TRERF1: variants seen among roughly 807,000 people sequenced by gnomAD.
TRERF1 encodes transcriptional regulating factor 1.
A neutral mutation model predicts 122.9 loss-of-function variants in TRERF1; 27 were observed. That is an observed-to-expected ratio of 0.22 (90% CI 0.16 to 0.30). TRERF1 has a LOEUF of 0.30. TRERF1 is among the 10% of genes least tolerant of loss of function. The probability of loss-of-function intolerance (pLI) is 1.00; values close to 1 mark genes in which losing one functional copy is unlikely to be tolerated. For synonymous variants in TRERF1, 636 were observed against 641.7 expected (o/e 0.99, Z 0.13); for missense variants, 1,248 against 1,560.3 (o/e 0.80, Z 3.37).
chr6:42,271,426 G>T (rs901436312), intron 4 of TRERF1, among the ~76,000 whole-genome samples: 6 of 152,116 alleles, frequency 3.9e-5, no homozygotes, highest in Admixed American at 2.6e-4. Context: ...CATGGATAAT[G>T]AAATTGAAAA....
chr6:42,336,308 G>A (rs1165158661), intron 3 of TRERF1, among the ~76,000 whole-genome samples: 1 of 152,120 alleles, frequency 6.6e-6, no homozygotes, highest in Non-Finnish European at 1.5e-5. Flanking sequence ...TGTCCTTTCT[G>A]CACTGCCCCA....
At chr6:42,258,296 G>T in intron 9 of TRERF1, 95 bp from the exon 10 acceptor site, 2 of 1,100,096 alleles carry the variant, frequency 1.8e-6, no homozygotes, top group African/African-American at 1.5e-5. Flanking sequence ...CCATAATAGA[G>T]CTTCTCTCCT....
intron 3 of TRERF1, among the ~76,000 whole-genome samples, chr6:42,304,939 A>C (rs756160965): frequency 6.6e-6 from 1 of 152,222 alleles, no homozygotes; most frequent in Admixed American, 6.5e-5. Flanking sequence ...CATAATGATT[A>C]GGGTCCTCTT....
intron 2 of TRERF1, among the ~76,000 whole-genome samples, chr6:42,439,274 T>C (rs576361276): frequency 1.3e-5 from 2 of 152,262 alleles, no homozygotes; most frequent in East Asian, 3.9e-4. Context: ...GGGTCAGGAC[T>C]ACGCTCCGTA....
chr6:42,263,647 G>T lies in TRERF1; in HGVS notation c.1636-79C>A. On this transcript the variant is annotated intron_variant, in intron 7 of 17. Coordinates refer to ENST00000372922, the Ensembl canonical transcript of TRERF1. This position sits in a 1 kb window ranked among gnomAD's most constrained non-coding sequence, Gnocchi z 5.6. Reference sequence around the variant, plus strand: ...GGATGCACTTTGCTTTTCCCGAAAGGTTCCAGGACATCAGGTATGGGTGAT... The same window carrying T: ...GGATGCACTTTGCTTTTCCCGAAAGTTTCCAGGACATCAGGTATGGGTGAT... 7.1e-7 allele frequency: 1 copy of T among 1,401,452 alleles called. No individual in the cohort carries two copies. The highest frequency in any genetic ancestry group is 9.3e-7 in the Non-Finnish European group (1 of 1,073,210). 86.8% of individuals were successfully genotyped at this position (1,401,452 alleles called of 1,614,324 possible).
At chr6:42,234,553 G>C (rs1253151175) in intron 16 of TRERF1, among the ~76,000 whole-genome samples, 1 of 152,006 alleles carries the variant, frequency 6.6e-6, no homozygotes, top group Non-Finnish European at 1.5e-5. Context: ...ATGTTGGCCA[G>C]GATGGTCTTG....
At chr6:42,377,724 C>A (rs983194736) in intron 2 of TRERF1, among the ~76,000 whole-genome samples, 1 of 152,180 alleles carries the variant, frequency 6.6e-6, no homozygotes, top group Non-Finnish European at 1.5e-5. Flanking sequence ...TCCAAACGCA[C>A]AGTGGCTCAG....
At chr6:42,337,095 A>T (rs1766343835) in intron 3 of TRERF1, among the ~76,000 whole-genome samples, 1 of 152,276 alleles carries the variant, frequency 6.6e-6, no homozygotes, top group South Asian at 2.1e-4. Context: ...AGGCATGTCC[A>T]TGGGCACCCT....
intron 8 of TRERF1, among the ~76,000 whole-genome samples, chr6:42,262,627 G>A (rs1582657189): frequency 2.9e-4 from 30 of 103,504 alleles, no homozygotes; most frequent in Admixed American, 7.3e-4. Context: ...CTTCCCAGAG[G>A]CAAATTAAGC....
chr6:42,331,802 T>C (rs948443896), intron 3 of TRERF1, among the ~76,000 whole-genome samples: 1 of 152,150 alleles, frequency 6.6e-6, no homozygotes, highest in Admixed American at 6.5e-5. Context: ...GGGGCACACA[T>C]ACCCCAGGCC....
At chr6:42,240,565 T>G (rs948298117) in intron 15 of TRERF1, among the ~76,000 whole-genome samples, 2 of 152,254 alleles carry the variant, frequency 1.3e-5, no homozygotes, top group Non-Finnish European at 2.9e-5. Flanking sequence ...CTGTGTGACC[T>G]GGGGCAAGCC....
In TRERF1 at chr6:42,330,983, G is replaced by GT. The variant is rs796091831; in HGVS notation, c.-370-30235dup. 1.6e-3 allele frequency among the ~76,000 whole-genome samples: 245 copies of GT among 152,006 alleles called. 2 individuals are homozygous for GT. Among genetic ancestry groups the GT allele is most frequent in the African/African-American group, 5.6e-3 (233 of 41,472 alleles). On this transcript the variant is annotated intron_variant, in intron 3 of 17. Transcript: ENST00000372922. ...TGTGAGCCACTGCACCCGACCAGAT[G>GT]TTTTTTTTAACGGGGAAGCTGTAGG...
intron 2 of TRERF1, among the ~76,000 whole-genome samples, chr6:42,449,788 C>G (rs1788144557): frequency 6.6e-6 from 1 of 152,206 alleles, no homozygotes; most frequent in Admixed American, 6.5e-5. Context: ...AACCCTCAAT[C>G]TGGAAATCTG....
chr6:42,256,227 T>G (rs1213448273), intron 12 of TRERF1, among the ~76,000 whole-genome samples: 1 of 151,128 alleles, frequency 6.6e-6, no homozygotes, highest in Non-Finnish European at 1.5e-5. Flanking sequence ...TTTGGGAACA[T>G]CTGCAGAACT....
At chr6:42,241,539 G>A (rs60099415) in intron 15 of TRERF1, among the ~76,000 whole-genome samples, 18,143 of 151,754 alleles carry the variant, frequency 0.12, 1,366 homozygotes, top group African/African-American at 0.2. Context: ...TCGGCTCACC[G>A]CAACTTCTGC....
chr6:42,285,028 G>A (rs1390949986), intron 4 of TRERF1, among the ~76,000 whole-genome samples: 2 of 152,068 alleles, frequency 1.3e-5, no homozygotes, highest in South Asian at 2.1e-4. Flanking sequence ...TAGACTTCAC[G>A]GTTTAAGAAA....
chr6:42,244,938 T>C (rs1278705688), intron 14 of TRERF1, among the ~76,000 whole-genome samples: 1 of 152,368 alleles, frequency 6.6e-6, no homozygotes, highest in East Asian at 1.9e-4. Flanking sequence ...GATTAAAGGC[T>C]GGCCTTACCC....
At chr6:42,386,169 A>G (rs1776768171) in intron 2 of TRERF1, among the ~76,000 whole-genome samples, 1 of 152,220 alleles carries the variant, frequency 6.6e-6, no homozygotes. Flanking sequence ...CGACATGGTG[A>G]AACCCTGTCT....
chr6:42,301,637 G>C (rs13206783), intron 3 of TRERF1, among the ~76,000 whole-genome samples: 19,532 of 152,206 alleles, frequency 0.13, 1,574 homozygotes, highest in African/African-American at 0.22. Context: ...CTGATACAAA[G>C]TGCAAGCTCA....
Sources: allele counts gnomAD v4.1 joint callset (sites outside exome capture counted in the v4.1 genomes callset), GRCh38; gene constraint gnomAD v4.1.1; non-coding constraint Gnocchi (gnomAD v3.1); transcripts MANE v1.5; gene names NCBI Gene and HGNC (gene_info 2026-07-23, HGNC 2026-07-21).